The following ATXN7L1 variants were observed in gnomAD, a reference collection of about 807,000 sequenced individuals.
ATXN7L1 encodes ataxin-7-like protein 1.
Under a neutral mutation model 70.8 loss-of-function variants are expected in ATXN7L1, and 15 were observed. That is an observed-to-expected ratio of 0.21 (90% confidence interval 0.14 to 0.33). ATXN7L1 has a LOEUF of 0.33. Ranked by LOEUF, ATXN7L1 falls within the 10% of genes least tolerant of loss-of-function variation. The probability of loss-of-function intolerance (pLI) is 1.00; values close to 1 mark genes in which losing one functional copy is unlikely to be tolerated. For missense variants in ATXN7L1, 975 were observed against 1,097.1 expected, an observed-to-expected ratio of 0.89 and a Z score of 1.57; for synonymous variants, 440 against 445.1, an observed-to-expected ratio of 0.99 and a Z score of 0.14.
chr7:105,836,851 A>G (rs1039137808), intron 2 of ATXN7L1, among the ~76,000 whole-genome samples: 1 of 152,136 alleles, frequency 6.6e-6, no homozygotes, highest in Non-Finnish European at 1.5e-5. Context: ...TGAGGTCAGG[A>G]GTTTGAGACC....
intron 2 of ATXN7L1, among the ~76,000 whole-genome samples, chr7:105,863,894 G>A (rs1370160427): frequency 6.8e-6 from 1 of 146,782 alleles, no homozygotes. Context: ...CATAAGTTGG[G>A]CTGTGTTTAG....
Position 105,875,871 on chromosome 7 carries a change from A to G in ATXN7L1, c.191T>C (p.Leu64Ser), listed in dbSNP as rs751044210. The change falls in exon 2 of 12, where the codon TTA becomes TCA. Residue 64 changes from leucine (L) to serine (S), a missense_variant. By Grantham distance (145) the Leu-to-Ser change is moderately radical. Coordinates refer to ENST00000419735, the MANE Select transcript of ATXN7L1 (RefSeq NM_020725.2). ...AKLHCSDNVD[L>S]EEAGKEGGKS... ...TCCACCCTCTTTTCCAGCCTCTTCTAAATCTACATCTGCAGATGAAAAAGA... is the reference window on the plus strand; with the variant it reads ...TCCACCCTCTTTTCCAGCCTCTTCTGAATCTACATCTGCAGATGAAAAAGA... 7 of 1,613,778 alleles carry G rather than the reference A, an allele frequency of 4.3e-6. No homozygotes were observed. In the Middle Eastern group the frequency reaches 6.6e-4, roughly 152 times the overall value.
chr7:105,700,531 A>G (rs1476947371), intron 3 of ATXN7L1, among the ~76,000 whole-genome samples: 6 of 151,168 alleles, frequency 4.0e-5, no homozygotes, highest in African/African-American at 1.5e-4. Flanking sequence ...AAAAAAAAAA[A>G]AAGACAAGGT....
intron 3 of ATXN7L1, among the ~76,000 whole-genome samples, chr7:105,688,492 G>T (rs578114225): frequency 6.6e-6 from 1 of 151,950 alleles, no homozygotes; most frequent in Non-Finnish European, 1.5e-5. Context: ...GCAGTGAGCC[G>T]TGATCGTGCC....
At chr7:105,657,777 T>C (rs1800918846) in intron 4 of ATXN7L1, among the ~76,000 whole-genome samples, 2 of 151,618 alleles carry the variant, frequency 1.3e-5, no homozygotes, top group Non-Finnish European at 2.9e-5. Context: ...AACGGGATTT[T>C]AAATTTCATT....
At chr7:105,775,982 T>G (rs1187196425) in intron 3 of ATXN7L1, among the ~76,000 whole-genome samples, 1 of 152,184 alleles carries the variant, frequency 6.6e-6, no homozygotes, top group East Asian at 1.9e-4. Flanking sequence ...ACCCTTGTTC[T>G]TCGTATGGGC....
chr7:105,756,153 T>C (rs1011933354), intron 3 of ATXN7L1, among the ~76,000 whole-genome samples: 1 of 152,234 alleles, frequency 6.6e-6, no homozygotes, highest in African/African-American at 2.4e-5. Context: ...TGTTGAAGAC[T>C]CTTGCTGTCC....
At chr7:105,860,911 T>C (rs1314058080) in intron 2 of ATXN7L1, among the ~76,000 whole-genome samples, 1 of 152,188 alleles carries the variant, frequency 6.6e-6, no homozygotes, top group African/African-American at 2.4e-5. Flanking sequence ...AAGACACATG[T>C]GGACCATGGG....
At chr7:105,726,406 G>A (rs184028869) in intron 3 of ATXN7L1, among the ~76,000 whole-genome samples, 18 of 152,144 alleles carry the variant, frequency 1.2e-4, no homozygotes, top group African/African-American at 4.3e-4. Flanking sequence ...CAGCACAGAA[G>A]TTACCTTACA....
intron 2 of ATXN7L1, among the ~76,000 whole-genome samples, 179 bp downstream of exon 2, chr7:105,875,633 C>A (rs1334972899): frequency 1.6e-5 from 2 of 124,384 alleles, no homozygotes; most frequent in African/African-American, 2.7e-5. Flanking sequence ...CTTTACCCCC[C>A]CCCCAGTTGT....
chr7:105,841,258 T>C (rs1156964829), intron 2 of ATXN7L1, among the ~76,000 whole-genome samples: 1 of 152,214 alleles, frequency 6.6e-6, no homozygotes, highest in East Asian at 1.9e-4. Context: ...ATGCCTGTCC[T>C]GGAGCACTGC....
At chr7:105,762,222 A>C (rs7777083) in intron 3 of ATXN7L1, among the ~76,000 whole-genome samples, 21,298 of 152,198 alleles carry the variant, frequency 0.14, 3,244 homozygotes, top group African/African-American at 0.38. Context: ...CCTCCCAATG[A>C]CTTTCCTGAG....
chr7:105,792,077 C>A (rs571169828), intron 2 of ATXN7L1, among the ~76,000 whole-genome samples: 1 of 152,282 alleles, frequency 6.6e-6, no homozygotes, highest in South Asian at 2.1e-4. Flanking sequence ...CTCCAGAGAC[C>A]TGCAGAGCCC....
chr7:105,706,628 C>T (rs1793207479), intron 3 of ATXN7L1, among the ~76,000 whole-genome samples: 1 of 152,234 alleles, frequency 6.6e-6, no homozygotes, highest in Admixed American at 6.5e-5. Context: ...GTGGCCAGTT[C>T]TCCATCACTA....
chr7:105,751,294 G>A (rs986878526), intron 3 of ATXN7L1, among the ~76,000 whole-genome samples: 1 of 152,126 alleles, frequency 6.6e-6, no homozygotes, highest in Non-Finnish European at 1.5e-5. Flanking sequence ...TCACACATGT[G>A]CTGCTGGATG....
At chr7:105,816,271 T>A (rs1333158057) in intron 2 of ATXN7L1, among the ~76,000 whole-genome samples, 1 of 151,822 alleles carries the variant, frequency 6.6e-6, no homozygotes, top group East Asian at 1.9e-4. Context: ...GGGGAGAGGG[T>A]CTGGGGGCTG....
At chr7:105,854,294 G>A (rs2116639191) in intron 2 of ATXN7L1, among the ~76,000 whole-genome samples, 1 of 152,120 alleles carries the variant, frequency 6.6e-6, no homozygotes, top group Non-Finnish European at 1.5e-5. Flanking sequence ...CAACTGGTGG[G>A]ACCACCTCTC....
At chr7:105,869,332 G>A (rs1056190429) in intron 2 of ATXN7L1, among the ~76,000 whole-genome samples, 1 of 152,214 alleles carries the variant, frequency 6.6e-6, no homozygotes, top group African/African-American at 2.4e-5. Context: ...GTTTATCTGT[G>A]TAATCTGTGG....
At chr7:105,777,417 C>G (rs1302775620) in intron 3 of ATXN7L1, among the ~76,000 whole-genome samples, 1 of 152,224 alleles carries the variant, frequency 6.6e-6, no homozygotes, top group Non-Finnish European at 1.5e-5. Flanking sequence ...GACCTCTTCT[C>G]TTTAGTGTCT....
Sources: gnomAD v4.1 joint callset for allele counts (sites outside exome capture counted in the v4.1 genomes callset) on GRCh38, gnomAD v4.1.1 for gene constraint, MANE v1.5 for transcripts, NCBI Gene and HGNC (gene_info 2026-07-23, HGNC 2026-07-21) for gene names.